EXOC6B: variants seen among roughly 807,000 people sequenced by gnomAD.
EXOC6B encodes the protein exocyst complex component 6B.
EXOC6B carries 54 observed loss-of-function variants against 113.5 expected under a neutral mutation model. The observed-to-expected ratio is 0.48, with a 90% CI of 0.38 to 0.60. The LOEUF is 0.60. Ranked by LOEUF, EXOC6B falls within the 20% of genes least tolerant of loss-of-function variation. The pLI, the probability that EXOC6B is intolerant of heterozygous loss-of-function variation, is 0.00. For missense variants in EXOC6B, 797 were observed against 977.5 expected, an observed-to-expected ratio of 0.82 and a Z score of 2.46; for synonymous variants, 357 against 339.0, an observed-to-expected ratio of 1.05 and a Z score of -0.58.
intron 20 of EXOC6B, among the ~76,000 whole-genome samples, chr2:72,209,207 C>T (rs1449761160): frequency 6.1e-5 from 3 of 49,206 alleles, no homozygotes; most frequent in Admixed American, 3.1e-4. Flanking sequence ...TGGGCAACAA[C>T]AGCAAAACTC....
chr2:72,469,306 C>T (rs962809592), intron 17 of EXOC6B, among the ~76,000 whole-genome samples: 1 of 151,962 alleles, frequency 6.6e-6, no homozygotes, highest in African/African-American at 2.4e-5. Flanking sequence ...GATTTCTGCT[C>T]TAATTTTCAT....
At position 72,438,228 on chromosome 2, in the gene EXOC6B, A is replaced by T. The variant is rs187445633; in HGVS notation, c.1980+26932T>A. Among the ~76,000 whole-genome samples, 20 of 152,260 alleles carry T rather than the reference A, an allele frequency of 1.3e-4. 1 individual carries two copies. The highest frequency in any genetic ancestry group is 4.6e-4 in the African/African-American group (19 of 41,558). The stretch of plus-strand genomic sequence containing the variant: ...ACCTAGGATGGTAGGCTATGAAGAT[A>T]TATTAAAACTCAATCAGAAAAACAC... On this transcript the variant is annotated intron_variant, in intron 18 of 21. Transcript: ENST00000272427.
intron 20 of EXOC6B, among the ~76,000 whole-genome samples, chr2:72,235,294 G>A (rs1344697180): frequency 1.3e-5 from 2 of 152,130 alleles, no homozygotes; most frequent in Admixed American, 1.3e-4. Context: ...AACTAATACA[G>A]GAACAGCAAA....
chr2:72,808,878 T>C (rs1685725365), intron 1 of EXOC6B, among the ~76,000 whole-genome samples: 1 of 152,172 alleles, frequency 6.6e-6, no homozygotes, highest in East Asian at 1.9e-4. Flanking sequence ...ATGACCAGCC[T>C]GGGCAACATG....
chr2:72,371,870 G>A (rs574709664), intron 19 of EXOC6B, among the ~76,000 whole-genome samples: 55 of 152,158 alleles, frequency 3.6e-4, no homozygotes, highest in Non-Finnish European at 6.5e-4. Flanking sequence ...CATCCAACTC[G>A]AAAAGGAAGA....
chr2:72,762,916 T>C lies in EXOC6B; in HGVS notation c.114-21447A>G, dbSNP rs145308039. On this transcript the variant is annotated intron_variant, in intron 1 of 21. Transcript: ENST00000272427. ...CAAAGATCAATGGGTGAAATGAAAA[T>C]ACACTGTTTTAAGGATTGTATGTTA... Among the ~76,000 whole-genome samples the C allele has an allele frequency of 2.6e-4, 39 of 152,040 alleles. No individual in the cohort carries two copies. In the East Asian group the frequency reaches 7.3e-3, roughly 29 times the overall value.
chr2:72,700,212 T>C (rs948315487), intron 6 of EXOC6B, among the ~76,000 whole-genome samples: 1 of 142,182 alleles, frequency 7.0e-6, no homozygotes, highest in African/African-American at 2.8e-5. Flanking sequence ...GATGGCTGCA[T>C]CCTGTTAGAT....
At chr2:72,253,074 G>A (rs1683128197) in intron 20 of EXOC6B, among the ~76,000 whole-genome samples, 1 of 152,092 alleles carries the variant, frequency 6.6e-6, no homozygotes, top group Admixed American at 6.5e-5. Flanking sequence ...AGACATACAT[G>A]TGGCCAAAAA....
chr2:72,296,527 G>A, intron 20 of EXOC6B, among the ~76,000 whole-genome samples: 1 of 152,160 alleles, frequency 6.6e-6, no homozygotes. Flanking sequence ...AGATGAGGAT[G>A]TCATAATTCC....
intron 19 of EXOC6B, among the ~76,000 whole-genome samples, chr2:72,358,230 T>A (rs1032180836): frequency 2.6e-5 from 4 of 152,184 alleles, no homozygotes; most frequent in Admixed American, 2.6e-4. Context: ...TTAATACTTA[T>A]AACAACTCTC....
chr2:72,400,298 C>A (rs182688348), intron 18 of EXOC6B, among the ~76,000 whole-genome samples: 190 of 152,112 alleles, frequency 1.2e-3, no homozygotes, highest in African/African-American at 4.4e-3. Flanking sequence ...GGATTAAAGA[C>A]CTAAATGCAA....
At chr2:72,255,807 A>G (rs1471312360) in intron 20 of EXOC6B, among the ~76,000 whole-genome samples, 2 of 152,216 alleles carry the variant, frequency 1.3e-5, no homozygotes, top group Non-Finnish European at 2.9e-5. Context: ...AGTTAATGCA[A>G]TAATGGATTG....
chr2:72,825,469 T>C lies in EXOC6B; in HGVS notation c.113+329A>G, dbSNP rs1022981471. Among the ~76,000 whole-genome samples, 1 of 152,130 alleles carries C rather than the reference T, an allele frequency of 6.6e-6. No homozygotes were observed. The highest frequency in any genetic ancestry group is 2.4e-5 in the African/African-American group (1 of 41,452). Reference sequence around the variant, plus strand: ...TAGAGACGGAGGGAGAAGGGTGATGTCCCCAGGGGGAAGATCTGCCGGGAG... The same window carrying C: ...TAGAGACGGAGGGAGAAGGGTGATGCCCCCAGGGGGAAGATCTGCCGGGAG... On this transcript the variant is annotated intron_variant, in intron 1 of 21. Transcript: ENST00000272427. This position sits in a 1 kb window ranked among gnomAD's most constrained non-coding sequence, Gnocchi z 4.4.
At chr2:72,824,973 G>C (rs541334449) in intron 1 of EXOC6B, among the ~76,000 whole-genome samples, 11 of 152,296 alleles carry the variant, frequency 7.2e-5, no homozygotes, top group African/African-American at 2.6e-4. Context: ...TCTGTAAAAG[G>C]AGAGTAATAG....
intron 8 of EXOC6B, among the ~76,000 whole-genome samples, chr2:72,550,014 T>G (rs1185601172): frequency 6.6e-6 from 1 of 151,908 alleles, no homozygotes; most frequent in Non-Finnish European, 1.5e-5. Context: ...ATATACAGGG[T>G]TGATGAGAGA....
At chr2:72,603,849 G>A (rs1347721849) in intron 6 of EXOC6B, among the ~76,000 whole-genome samples, 2 of 152,022 alleles carry the variant, frequency 1.3e-5, no homozygotes, top group African/African-American at 4.8e-5. Context: ...TGCAAAAGAT[G>A]TTTTTTGTTC....
chr2:72,659,805 A>G (rs1674871787), intron 6 of EXOC6B, among the ~76,000 whole-genome samples: 1 of 152,188 alleles, frequency 6.6e-6, no homozygotes, highest in Admixed American at 6.5e-5. Context: ...CTGTATTGTA[A>G]ACAGTATAGT....
intron 7 of EXOC6B, among the ~76,000 whole-genome samples, chr2:72,572,143 A>G (rs11900893): frequency 0.018 from 2,798 of 151,916 alleles, 107 homozygotes; most frequent in African/African-American, 0.064. Flanking sequence ...AATCATATTT[A>G]AAAAAAACAA....
intron 15 of EXOC6B, among the ~76,000 whole-genome samples, chr2:72,493,605 C>G (rs1699878360): frequency 6.6e-6 from 1 of 151,830 alleles, no homozygotes; most frequent in African/African-American, 2.4e-5. Context: ...AACAGGATCT[C>G]TCGCGTATGT....
Sources: gnomAD v4.1 joint callset for allele counts (sites outside exome capture counted in the v4.1 genomes callset) on GRCh38, gnomAD v4.1.1 for gene constraint, Gnocchi (gnomAD v3.1) non-coding constraint, MANE v1.5 for transcripts, NCBI Gene and HGNC (gene_info 2026-07-23, HGNC 2026-07-21) for gene names.